The following AFG2A variants were observed in gnomAD, a reference collection of about 807,000 sequenced individuals.
The protein encoded by AFG2A is AAA ATPase AFG2A, also known as ATPase family gene 2 protein homolog A.
the AFG2A span, among the ~76,000 whole-genome samples, chr4:123,075,195 T>C: frequency 1.3e-5 from 2 of 152,024 alleles, no homozygotes; most frequent in African/African-American, 2.4e-5. Flanking sequence ...CCGCCCACCT[T>C]AGCCTCCCAA....
At chr4:123,254,252 G>A in the AFG2A span, among the ~76,000 whole-genome samples, 1 of 152,058 alleles carries the variant, frequency 6.6e-6, no homozygotes, top group East Asian at 1.9e-4. Context: ...ACTTCTAGAA[G>A]TTTTGTAGTT....
the AFG2A span, chr4:122,935,739 A>T: frequency 6.2e-7 from 1 of 1,609,828 alleles, no homozygotes; most frequent in Non-Finnish European, 8.5e-7. Context: ...GAGGAGTGTT[A>T]CTTTATGGTC....
the AFG2A span, chr4:122,927,500 C>T: frequency 1.3e-6 from 1 of 793,310 alleles, no homozygotes; most frequent in African/African-American, 1.8e-5. Context: ...AAAGTTGGAA[C>T]ACTAGTTTCT....
chr4:123,135,569 G>GA, the AFG2A span, among the ~76,000 whole-genome samples: 3 of 152,088 alleles, frequency 2.0e-5, no homozygotes, highest in Non-Finnish European at 4.4e-5. Context: ...AAAATACTCA[G>GA]AAAAAAATGG....
chr4:123,237,570 G>C, the AFG2A span, among the ~76,000 whole-genome samples: 17 of 151,156 alleles, frequency 1.1e-4, no homozygotes, highest in Non-Finnish European at 1.9e-4. Context: ...CTACTTGGGA[G>C]GTTGAGGCAT....
At chr4:123,223,944 C>A in the AFG2A span, among the ~76,000 whole-genome samples, 1 of 152,100 alleles carries the variant, frequency 6.6e-6, no homozygotes, top group Admixed American at 6.6e-5. Context: ...TAGTTTATTT[C>A]TATTTTTGCA....
chr4:123,094,689 C>T, the AFG2A span, among the ~76,000 whole-genome samples: 3 of 151,926 alleles, frequency 2.0e-5, no homozygotes. Flanking sequence ...GAGAAGCTTT[C>T]AAAAGAAATA....
chr4:123,271,832 G>A, the AFG2A span, among the ~76,000 whole-genome samples: 1 of 150,158 alleles, frequency 6.7e-6, no homozygotes, highest in African/African-American at 2.5e-5. Flanking sequence ...TGGTCCTACA[G>A]TTAAAATTTT....
the AFG2A span, among the ~76,000 whole-genome samples, chr4:122,946,367 A>G: frequency 6.6e-6 from 1 of 152,196 alleles, no homozygotes. Context: ...CCTTTGGGCA[A>G]GGAATGGAAA....
At chr4:123,158,460 C>G in the AFG2A span, among the ~76,000 whole-genome samples, 1 of 152,104 alleles carries the variant, frequency 6.6e-6, no homozygotes, top group African/African-American at 2.4e-5. Context: ...TCTAAGTTTA[C>G]TAAGCTATGT....
the AFG2A span, chr4:123,028,190 C>T: frequency 6.8e-6 from 11 of 1,612,502 alleles, no homozygotes; most frequent in African/African-American, 4.0e-5. Flanking sequence ...TTTCAGGTAT[C>T]CTGGTCAGAT....
the AFG2A span, among the ~76,000 whole-genome samples, chr4:123,110,897 G>A: frequency 1.3e-5 from 2 of 152,232 alleles, no homozygotes; most frequent in Non-Finnish European, 2.9e-5. Context: ...TCTTTATCCC[G>A]TAGCATGTCA....
At chr4:122,966,467 A>T in the AFG2A span, among the ~76,000 whole-genome samples, 1 of 152,136 alleles carries the variant, frequency 6.6e-6, no homozygotes, top group Non-Finnish European at 1.5e-5. Context: ...GGGCCTCCTA[A>T]TCTCTAAAGT....
At chr4:123,169,302 G>T in the AFG2A span, among the ~76,000 whole-genome samples, 1 of 152,220 alleles carries the variant, frequency 6.6e-6, no homozygotes, top group South Asian at 2.1e-4. Context: ...CATGCTATAA[G>T]ATTTTAATCA....
chr4:123,228,924 C>G, the AFG2A span, among the ~76,000 whole-genome samples: 1 of 151,920 alleles, frequency 6.6e-6, no homozygotes, highest in Non-Finnish European at 1.5e-5. Context: ...AAGTATTTAT[C>G]AAGCACATTA....
At chr4:123,148,893 C>G in the AFG2A span, among the ~76,000 whole-genome samples, 7 of 151,864 alleles carry the variant, frequency 4.6e-5, no homozygotes, top group Non-Finnish European at 8.8e-5. Context: ...CTCAGCCTCC[C>G]GAGTAGCTGG....
the AFG2A span, among the ~76,000 whole-genome samples, chr4:123,107,204 G>A: frequency 6.6e-6 from 1 of 152,208 alleles, no homozygotes; most frequent in Admixed American, 6.5e-5. Flanking sequence ...AATGTGGCAA[G>A]TCAGGGTTGG....
the AFG2A span, among the ~76,000 whole-genome samples, chr4:122,924,254 T>C: frequency 6.6e-6 from 1 of 152,148 alleles, no homozygotes; most frequent in Non-Finnish European, 1.5e-5. Context: ...GAACAAAAGC[T>C]CCACATTTTC....
At chr4:123,177,716 G>T in the AFG2A span, among the ~76,000 whole-genome samples, 2 of 152,160 alleles carry the variant, frequency 1.3e-5, no homozygotes, top group African/African-American at 4.8e-5. Context: ...CTAACTTTCT[G>T]CTCAGCTCTT....
Sources: allele counts gnomAD v4.1 joint callset (sites outside exome capture counted in the v4.1 genomes callset), GRCh38; gene constraint gnomAD v4.1.1; transcripts MANE v1.5; gene names NCBI Gene and HGNC (gene_info 2026-07-23, HGNC 2026-07-21).